LRCH3: variants seen among roughly 807,000 people sequenced by gnomAD.
LRCH3 encodes the protein leucine rich repeats and calponin homology domain containing 3, also known as DISP complex protein LRCH3.
A neutral mutation model predicts 104.5 loss-of-function variants in LRCH3; 68 were observed. That is an observed-to-expected ratio of 0.65 (90% CI 0.54 to 0.80). LRCH3 has a LOEUF of 0.80. LRCH3 is among the 30% of genes least tolerant of loss of function. The pLI is 0.00. For missense variants in LRCH3, 951 were observed against 953.9 expected (o/e 1.00, Z 0.04); for synonymous variants, 344 against 361.3 (o/e 0.95, Z 0.54).
intron 4 of LRCH3, among the ~76,000 whole-genome samples, chr3:197,821,904 G>T (rs1734534537): frequency 6.6e-6 from 1 of 152,144 alleles, no homozygotes; most frequent in South Asian, 2.1e-4. Context: ...AAACTCCTGG[G>T]GTCAAGAGAT....
In LRCH3 at chr3:197,791,557, G is replaced by A. The variant is rs1730503490; in HGVS notation, c.262+17G>A. 1 of 1,542,078 alleles carries A rather than the reference G, an allele frequency of 6.5e-7. No homozygotes were observed. The highest frequency in any genetic ancestry group is 2.5e-5 in the East Asian group (1 of 39,492). On this transcript the variant is annotated intron_variant, in intron 1 of 20. Coordinates refer to ENST00000425562, the MANE Select transcript of LRCH3 (RefSeq NM_001365715.1). ...CCCGGGCGGGTGAGCGGGGCGGGGG[G>A]CGTCTCTGCCCGTCGGAGACCCGGC... is the stretch of plus-strand genomic sequence containing the variant.
At chr3:197,881,292 T>A in intron 20 of LRCH3, 1 of 989,986 alleles carries the variant, frequency 1.0e-6, no homozygotes, top group Non-Finnish European at 1.2e-6. Context: ...GGTCTGGACG[T>A]TTCAAAGGTA....
chr3:197,838,551 A>G (rs1456007306), intron 9 of LRCH3, among the ~76,000 whole-genome samples: 1 of 152,118 alleles, frequency 6.6e-6, no homozygotes, highest in Admixed American at 6.5e-5. Context: ...AACCATTTTG[A>G]TGATTATTTT....
chr3:197,862,350 C>T (rs982154311), intron 15 of LRCH3, among the ~76,000 whole-genome samples: 3 of 152,220 alleles, frequency 2.0e-5, no homozygotes, highest in African/African-American at 7.2e-5. Context: ...ATTGTTGTTT[C>T]AGCTCTTCTC....
At position 197,883,980 on chromosome 3, in the gene LRCH3, G is replaced by A. The variant is rs1472051630; in HGVS notation, c.*314G>A. 1.5e-5 allele frequency: 4 copies of A among 272,018 alleles called. No homozygotes were observed. Among genetic ancestry groups the A allele is most frequent in the East Asian group, 8.2e-5 (1 of 12,184 alleles). 16.9% of individuals were successfully genotyped at this position (272,018 alleles called of 1,614,324 possible). ...ACGTGCCAGAAAGCACATCTTCTGT[G>A]TTAGGCACAAGCATGCTGTGCCATT... On this transcript the variant is annotated 3_prime_UTR_variant, in exon 21 of 21. Coordinates refer to ENST00000425562, the MANE Select transcript of LRCH3 (RefSeq NM_001365715.1). This position sits in a 1 kb window ranked among gnomAD's most constrained non-coding sequence, Gnocchi z 4.2.
chr3:197,799,634 A>G (rs937855858), intron 1 of LRCH3, among the ~76,000 whole-genome samples: 1 of 152,224 alleles, frequency 6.6e-6, no homozygotes, highest in Middle Eastern at 3.4e-3. Context: ...TGTGAGGTCA[A>G]GATGGGTGGA....
chr3:197,844,746 T>G (rs1438800645), intron 10 of LRCH3, among the ~76,000 whole-genome samples: 1 of 152,026 alleles, frequency 6.6e-6, no homozygotes, highest in Non-Finnish European at 1.5e-5. Flanking sequence ...GCCTTCTGAG[T>G]AGCTGGGACT....
chr3:197,883,722 A>C lies in LRCH3; in HGVS notation c.*56A>C. On this transcript the variant is annotated 3_prime_UTR_variant, in exon 21 of 21. Transcript: ENST00000425562. The surrounding 1 kb of genome is among the most constrained non-coding windows in gnomAD (Gnocchi z 4.2). ...CCAAAACAAGGAACAGGACACCGTG[A>C]TTGCTGCTGCCAGCTGTCTGCTTAA... 6.7e-7 allele frequency: 1 copy of C among 1,491,676 alleles called. No homozygotes were observed. The highest frequency in any genetic ancestry group is 8.9e-7 in the Non-Finnish European group (1 of 1,121,502). 92.4% of individuals were successfully genotyped at this position (1,491,676 alleles called of 1,614,324 possible). A position where few individuals can be genotyped will look rare whatever the true frequency, so the allele number is the denominator to read the frequency against.
intron 1 of LRCH3, among the ~76,000 whole-genome samples, 156 bp from the exon 2 acceptor site, chr3:197,814,752 C>T (rs3736467): frequency 0.022 from 3,355 of 152,190 alleles, 69 homozygotes; most frequent in East Asian, 0.053. Context: ...CTGATTGATA[C>T]GATCTTTGAT....
At chr3:197,869,461 G>C (rs967314113) in intron 17 of LRCH3, among the ~76,000 whole-genome samples, 7 of 147,608 alleles carry the variant, frequency 4.7e-5, no homozygotes, top group Non-Finnish European at 6.0e-5. Flanking sequence ...GGTAGAAAGC[G>C]GTGCACTGTA....
At chr3:197,826,842 T>A (rs1735258068) in intron 4 of LRCH3, 36 bp from the exon 5 acceptor site, 2 of 1,612,922 alleles carry the variant, frequency 1.2e-6, no homozygotes, top group African/African-American at 2.7e-5. Context: ...TTGTAAAACA[T>A]CATTAATTGT....
rs1047380534 is a variant in LRCH3, at chr3:197,882,703, C to T, written c.2209-838C>T. 9 of 985,174 alleles carry T rather than the reference C, an allele frequency of 9.1e-6. No individual in the cohort carries two copies. The African/African-American group carries it at 1.4e-4, about 15-fold the overall frequency. The allele number at this position is 985,174 out of a possible 1,614,324, so 61.0% of individuals were successfully genotyped here. A position where few individuals can be genotyped will look rare whatever the true frequency, so the allele number is the denominator to read the frequency against. On this transcript the variant is annotated intron_variant, in intron 20 of 20. Transcript: ENST00000425562. ...GTTCTTAAGATTTGCCTTTTTCTCT[C>T]ACAAGAAAGGGTTAACCTAACAAAT...
At chr3:197,821,745 G>A (rs2109224285) in intron 4 of LRCH3, among the ~76,000 whole-genome samples, 1 of 152,328 alleles carries the variant, frequency 6.6e-6, no homozygotes, top group South Asian at 2.1e-4. Flanking sequence ...CACGAACATG[G>A]CTCACTGCAG....
rs768172764 is a variant in LRCH3, at chr3:197,826,968, A to G, written c.731A>G (p.Gln244Arg). Residue 244 changes from glutamine to arginine, a missense_variant, in exon 5 of 21, where the codon CAG becomes CGG. By Grantham distance (43) the Gln-to-Arg change is conservative. Transcript: ENST00000425562. ...TGTTATCGGAACCTCAGGCACCTAC[A>G]GACGATCACCCTAGATAACAATCCA... Reference protein sequence around the residue: ...PVCYRNLRHLQTITLDNNPLQ... With the variant: ...PVCYRNLRHLRTITLDNNPLQ... 6 of 1,613,966 alleles carry G rather than the reference A, an allele frequency of 3.7e-6. No homozygotes were observed. Among genetic ancestry groups the G allele is most frequent in the Non-Finnish European group, 5.1e-6 (6 of 1,180,010 alleles).
chr3:197,826,997 C>T lies in LRCH3; in HGVS notation c.760C>T (p.Gln254Ter), dbSNP rs759832014. Residue 254 changes from glutamine to a stop codon, truncating the protein, a stop_gained, in exon 5 of 21, where the codon CAA becomes TAA. Coordinates refer to ENST00000425562, the MANE Select transcript of LRCH3 (RefSeq NM_001365715.1). LOFTEE classifies it high-confidence loss of function. ...GATCACCCTAGATAACAATCCACTA[C>T]AATCACCTCCTGCACAGGTAAACCA... is the stretch of plus-strand genomic sequence containing the variant. ...QTITLDNNPL[Q>*]SPPAQICIKG... 2.5e-6 allele frequency: 4 copies of T among 1,613,964 alleles called. No homozygotes were observed. The South Asian group carries it at 4.4e-5, about 18-fold the overall frequency.
chr3:197,801,994 G>GGA (rs1227896416), intron 1 of LRCH3, among the ~76,000 whole-genome samples: 1 of 152,112 alleles, frequency 6.6e-6, no homozygotes, highest in Non-Finnish European at 1.5e-5. Context: ...CTCAGGTCCT[G>GGA]GATGCCACTT....
chr3:197,852,228 A>C (rs1460711243), intron 12 of LRCH3: 1 of 211,764 alleles, frequency 4.7e-6, no homozygotes, highest in Non-Finnish European at 9.6e-6. Context: ...GTTTCCAAGT[A>C]GAGAGTTTCC....
chr3:197,829,584 C>T lies in LRCH3; in HGVS notation c.798C>T (p.Val266=), dbSNP rs1419385825. Residue 266 remains valine (V), a synonymous_variant, in exon 6 of 21, where the codon GTC becomes GTT. Coordinates refer to ENST00000425562, the MANE Select transcript of LRCH3 (RefSeq NM_001365715.1). ...TTTAGATATGTATAAAAGGCAAAGT[C>T]CACATATTTAAATACCTGAACATAC... ...PPAQICIKGK[V]HIFKYLNIQA... 1.2e-6 allele frequency: 2 copies of T among 1,610,636 alleles called. No individual in the cohort carries two copies. The highest frequency in any genetic ancestry group is 1.7e-6 in the Non-Finnish European group (2 of 1,178,970).
chr3:197,884,408 C>T lies in LRCH3; in HGVS notation c.*742C>T, dbSNP rs59694244. The T allele has an allele frequency of 0.14, 21,523 of 151,906 alleles. 2,271 individuals are homozygous for T. The highest frequency in any genetic ancestry group is 0.29 in the African/African-American group (12,150 of 41,476). The allele number at this position is 151,906 out of a possible 1,614,324, so 9.4% of individuals were successfully genotyped here. On this transcript the variant is annotated 3_prime_UTR_variant, in exon 21 of 21. Coordinates refer to ENST00000425562, the MANE Select transcript of LRCH3 (RefSeq NM_001365715.1). ...CTGACTTCAAGTGATCCACCTGCCT[C>T]GGCCTCCCAAAATGCTGGGATTACA... is the stretch of plus-strand genomic sequence containing the variant.
Sources: gnomAD v4.1 joint callset for allele counts (sites outside exome capture counted in the v4.1 genomes callset) on GRCh38, gnomAD v4.1.1 for gene constraint, Gnocchi (gnomAD v3.1) non-coding constraint, MANE v1.5 for transcripts, NCBI Gene and HGNC (gene_info 2026-07-23, HGNC 2026-07-21) for gene names.